Variants in ROR1 observed in about 807,000 individuals in gnomAD.
ROR1 encodes the protein inactive tyrosine-protein kinase transmembrane receptor ROR1.
In ROR1, 19 loss-of-function variants were observed where a neutral mutation model predicts 78.8. The ratio of observed to expected loss-of-function variants is 0.24; its 90% CI spans 0.17 to 0.35. ROR1 has a LOEUF of 0.35. ROR1 is among the 10% of genes least tolerant of loss of function. ROR1 has a pLI of 1.00. For missense variants in ROR1, 917 were observed against 1,177.8 expected (o/e 0.78, Z 3.24); for synonymous variants, 386 against 433.6 (o/e 0.89, Z 1.36).
intron 1 of ROR1, among the ~76,000 whole-genome samples, chr1:63,966,853 G>A (rs1646079237): frequency 6.6e-6 from 1 of 152,152 alleles, no homozygotes; most frequent in Admixed American, 6.5e-5. Context: ...CGCTTGAAAA[G>A]CTCTTACTTC....
intron 4 of ROR1, among the ~76,000 whole-genome samples, chr1:64,115,774 T>C (rs1308832589): frequency 2.6e-5 from 4 of 152,140 alleles, no homozygotes; most frequent in African/African-American, 9.7e-5. Flanking sequence ...TTAGGCATTG[T>C]GTGGAACTGG....
intron 1 of ROR1, among the ~76,000 whole-genome samples, chr1:63,957,747 T>G (rs1557582385): frequency 3.1e-5 from 4 of 130,524 alleles, no homozygotes; most frequent in Non-Finnish European, 4.5e-5. Context: ...TGTTTTTTGT[T>G]TTTTTTTTTT....
chr1:63,856,685 G>A (rs534084753), intron 1 of ROR1, among the ~76,000 whole-genome samples: 27 of 152,280 alleles, frequency 1.8e-4, no homozygotes, highest in Non-Finnish European at 2.6e-4. Context: ...TGGAGGACTC[G>A]TAGGATTCGT....
intron 2 of ROR1, among the ~76,000 whole-genome samples, chr1:64,027,968 G>A (rs369804592): frequency 6.6e-6 from 1 of 152,106 alleles, no homozygotes; most frequent in Admixed American, 6.5e-5. Context: ...TTACAGGTGT[G>A]AGCCACTGCG....
At chr1:64,121,059 CTTTTTTTTTTTTTTTTTTTTTTTTTT>C (rs200292093) in intron 4 of ROR1, among the ~76,000 whole-genome samples, 49 of 82,022 alleles carry the variant, frequency 6.0e-4, no homozygotes, top group Admixed American at 7.8e-4. Context: ...GGAGATACCC[CTTTTTTTTTTTTTTTTTTTTTTTTTT>C]TTTTTTTTTT....
At chr1:64,085,667 G>A (rs1404982319) in intron 4 of ROR1, among the ~76,000 whole-genome samples, 2 of 152,152 alleles carry the variant, frequency 1.3e-5, no homozygotes, top group Non-Finnish European at 2.9e-5. Context: ...AAGCAGCAAG[G>A]AGGGCAGACC....
intron 4 of ROR1, among the ~76,000 whole-genome samples, chr1:64,120,633 T>G (rs1648497238): frequency 6.6e-6 from 1 of 152,162 alleles, no homozygotes; most frequent in South Asian, 2.1e-4. Context: ...GCTACCATAC[T>G]GGACCATGTA....
chr1:63,803,346 A>ATT (rs535867406), intron 1 of ROR1, among the ~76,000 whole-genome samples: 8 of 145,558 alleles, frequency 5.5e-5, no homozygotes, highest in Non-Finnish European at 9.1e-5. Context: ...TCTCCATCAA[A>ATT]TTTTTTTTTT....
At chr1:63,975,805 T>C (rs960876858) in intron 1 of ROR1, among the ~76,000 whole-genome samples, 4 of 152,162 alleles carry the variant, frequency 2.6e-5, no homozygotes, top group African/African-American at 9.7e-5. Flanking sequence ...AGACCTGTGA[T>C]TGGGAGAGGG....
intron 1 of ROR1, among the ~76,000 whole-genome samples, chr1:63,958,607 A>G (rs1258153107): frequency 6.6e-6 from 1 of 152,190 alleles, no homozygotes; most frequent in East Asian, 1.9e-4. Flanking sequence ...CCACAATTTA[A>G]AGTTTTATCC....
chr1:64,142,850 A>C, intron 7 of ROR1, 200 bp downstream of exon 7: 1 of 1,408,096 alleles, frequency 7.1e-7, no homozygotes, highest in Admixed American at 2.9e-5. Flanking sequence ...CAAGAAGTCA[A>C]CTGCCTTTAT....
At chr1:64,091,182 T>A (rs1236473359) in intron 4 of ROR1, among the ~76,000 whole-genome samples, 19 of 152,032 alleles carry the variant, frequency 1.2e-4, no homozygotes, top group East Asian at 5.8e-4. Context: ...ATGCTTTTTT[T>A]AAAAAAAATA....
intron 4 of ROR1, among the ~76,000 whole-genome samples, chr1:64,094,076 C>T (rs1246301007): frequency 6.6e-6 from 1 of 152,182 alleles, no homozygotes; most frequent in East Asian, 1.9e-4. Context: ...CCAACTATTG[C>T]TTGTCATAAA....
At chr1:64,112,986 A>T (rs1648171241) in intron 4 of ROR1, among the ~76,000 whole-genome samples, 1 of 152,170 alleles carries the variant, frequency 6.6e-6, no homozygotes, top group African/African-American at 2.4e-5. Context: ...CATGTGATAA[A>T]TTGGTAATAG....
chr1:64,110,347 T>A (rs1213869241), intron 4 of ROR1, among the ~76,000 whole-genome samples: 4 of 152,148 alleles, frequency 2.6e-5, no homozygotes. Flanking sequence ...TCCTTCTCCA[T>A]TTGATGATGA....
intron 1 of ROR1, among the ~76,000 whole-genome samples, chr1:63,870,335 A>T (rs1194788050): frequency 6.6e-6 from 1 of 152,186 alleles, no homozygotes; most frequent in Non-Finnish European, 1.5e-5. Flanking sequence ...CCCCCAGCCC[A>T]CTTAGGTACT....
At chr1:64,080,993 C>A (rs1003601792) in intron 4 of ROR1, among the ~76,000 whole-genome samples, 1 of 152,246 alleles carries the variant, frequency 6.6e-6, no homozygotes, top group Non-Finnish European at 1.5e-5. Context: ...CATGTACCTA[C>A]ACCTCTGTGT....
intron 1 of ROR1, among the ~76,000 whole-genome samples, chr1:63,861,653 A>G (rs138898101): frequency 2.5e-3 from 380 of 152,282 alleles, no homozygotes; most frequent in African/African-American, 8.6e-3. Flanking sequence ...TGCATCTGTG[A>G]TTTGCAGAGG....
chr1:63,995,852 A>G (rs574408246), intron 1 of ROR1, among the ~76,000 whole-genome samples: 19 of 152,318 alleles, frequency 1.2e-4, no homozygotes, highest in African/African-American at 4.6e-4. Flanking sequence ...ATCTGGACTG[A>G]GCCAAGGTGA....
Sources: allele counts gnomAD v4.1 joint callset (sites outside exome capture counted in the v4.1 genomes callset), GRCh38; gene constraint gnomAD v4.1.1; transcripts MANE v1.5; gene names NCBI Gene and HGNC (gene_info 2026-07-23, HGNC 2026-07-21).